The following PFDN1 variants were observed in gnomAD, a reference collection of about 807,000 sequenced individuals.
The protein encoded by PFDN1 is prefoldin subunit 1, also known as prefoldin 1.
In PFDN1, 6 loss-of-function variants were observed where a neutral mutation model predicts 17.3. The ratio of observed to expected loss-of-function variants is 0.35; its 90% CI spans 0.19 to 0.69. The LOEUF is 0.69. PFDN1 is among the 30% of genes least tolerant of loss of function. PFDN1 has a pLI of 0.65. For missense variants in PFDN1, 113 were observed against 146.2 expected, an observed-to-expected ratio of 0.77 and a Z score of 1.17; for synonymous variants, 58 against 50.1, an observed-to-expected ratio of 1.16 and a Z score of -0.67.
At chr5:140,271,190 C>T (rs949097370) in intron 3 of PFDN1, among the ~76,000 whole-genome samples, 1 of 152,194 alleles carries the variant, frequency 6.6e-6, no homozygotes, top group African/African-American at 2.4e-5. Context: ...TCTGCAGCTA[C>T]ATTAAGCCCT....
chr5:140,302,919 C>T (rs915941931), intron 1 of PFDN1, 122 bp downstream of exon 1: 7 of 800,322 alleles, frequency 8.7e-6, no homozygotes, highest in African/African-American at 3.4e-5. Context: ...TCTGGGAAAC[C>T]ATTCCCTAGT....
intron 3 of PFDN1, among the ~76,000 whole-genome samples, chr5:140,280,110 T>C (rs1054999607): frequency 6.6e-6 from 1 of 151,872 alleles, no homozygotes; most frequent in Non-Finnish European, 1.5e-5. Flanking sequence ...GTATTAACAA[T>C]TTAATATATA....
intron 1 of PFDN1, among the ~76,000 whole-genome samples, chr5:140,302,661 A>G (rs1238868892): frequency 1.3e-5 from 2 of 152,230 alleles, no homozygotes; most frequent in Non-Finnish European, 2.9e-5. Context: ...AATGAGGCAG[A>G]ATTACGGATG....
intron 3 of PFDN1, among the ~76,000 whole-genome samples, chr5:140,271,438 C>G (rs1423561023): frequency 6.6e-6 from 1 of 152,280 alleles, no homozygotes; most frequent in East Asian, 1.9e-4. Context: ...CAAGTCAAAA[C>G]AACGTAGGAA....
chr5:140,255,542 G>A (rs1055086244), intron 3 of PFDN1, among the ~76,000 whole-genome samples: 1 of 152,148 alleles, frequency 6.6e-6, no homozygotes, highest in African/African-American at 2.4e-5. Flanking sequence ...AGAAGGCTAA[G>A]GCAGGAGGAT....
intron 3 of PFDN1, among the ~76,000 whole-genome samples, chr5:140,270,127 G>C (rs564015925): frequency 6.6e-6 from 1 of 152,206 alleles, no homozygotes; most frequent in Non-Finnish European, 1.5e-5. Flanking sequence ...ACTGATCAGA[G>C]TAAGAATCTA....
intron 3 of PFDN1, among the ~76,000 whole-genome samples, chr5:140,277,049 G>A (rs928487371): frequency 4.0e-5 from 6 of 151,538 alleles, no homozygotes; most frequent in South Asian, 2.1e-4. Flanking sequence ...TTGAAACCCC[G>A]TCTCTACTAA....
chr5:140,268,974 T>C (rs1765169271), intron 3 of PFDN1, among the ~76,000 whole-genome samples: 1 of 152,226 alleles, frequency 6.6e-6, no homozygotes, highest in South Asian at 2.1e-4. Flanking sequence ...ACAACTAGCT[T>C]CATTTTAGCT....
chr5:140,247,155 T>A (rs1764842397), intron 3 of PFDN1, among the ~76,000 whole-genome samples: 1 of 152,182 alleles, frequency 6.6e-6, no homozygotes, highest in African/African-American at 2.4e-5. Context: ...TTTTATTTAT[T>A]TTTGAGACAA....
At chr5:140,265,914 C>G (rs1049480330) in intron 3 of PFDN1, 1 of 152,266 alleles carries the variant, frequency 6.6e-6, no homozygotes, top group Admixed American at 6.5e-5. Context: ...GCCTCACTTC[C>G]CACTCACTCA....
At chr5:140,287,095 C>A (rs1765507704) in intron 2 of PFDN1, among the ~76,000 whole-genome samples, 1 of 152,192 alleles carries the variant, frequency 6.6e-6, no homozygotes, top group South Asian at 2.1e-4. Flanking sequence ...ATAATCCAAT[C>A]AACCTTGGAT....
intron 3 of PFDN1, among the ~76,000 whole-genome samples, chr5:140,251,731 C>T (rs1276707337): frequency 1.3e-5 from 2 of 152,160 alleles, no homozygotes; most frequent in African/African-American, 4.8e-5. Flanking sequence ...TCCTGTGGGG[C>T]TCAGCATGGC....
chr5:140,258,175 A>G (rs1269889815), intron 3 of PFDN1, among the ~76,000 whole-genome samples: 1 of 152,210 alleles, frequency 6.6e-6, no homozygotes, highest in Non-Finnish European at 1.5e-5. Context: ...GGTTTTAAGC[A>G]GGAGAGCAAA....
At chr5:140,279,195 C>T (rs184267335) in intron 3 of PFDN1, among the ~76,000 whole-genome samples, 3 of 151,992 alleles carry the variant, frequency 2.0e-5, no homozygotes, top group East Asian at 1.9e-4. Flanking sequence ...ATACAGAAAC[C>T]GTAGAGGTGA....
At chr5:140,275,686 G>A (rs373578454) in intron 3 of PFDN1, among the ~76,000 whole-genome samples, 1 of 152,210 alleles carries the variant, frequency 6.6e-6, no homozygotes, top group East Asian at 1.9e-4. Flanking sequence ...AACAAAGCTG[G>A]GTAAAAGGGA....
intron 3 of PFDN1, among the ~76,000 whole-genome samples, chr5:140,279,995 C>CAAAAAAAAAAAAA (rs772575762): frequency 3.8e-4 from 12 of 31,246 alleles, no homozygotes; most frequent in Non-Finnish European, 4.8e-4. Context: ...AACTCCGTCT[C>CAAAAAAAAAAAAA]AAAAAAAAAA....
At chr5:140,280,051 G>GA (rs1009096074) in intron 3 of PFDN1, among the ~76,000 whole-genome samples, 5 of 93,726 alleles carry the variant, frequency 5.3e-5, no homozygotes, top group African/African-American at 1.4e-4. Context: ...GAAAGAAAAA[G>GA]AAAAAATCAT....
At chr5:140,273,306 C>A (rs896337461) in intron 3 of PFDN1, among the ~76,000 whole-genome samples, 4 of 151,782 alleles carry the variant, frequency 2.6e-5, no homozygotes, top group African/African-American at 9.7e-5. Context: ...ACAGTAGAGT[C>A]CACCTGACAT....
intron 3 of PFDN1, among the ~76,000 whole-genome samples, chr5:140,272,822 G>A (rs986787483): frequency 4.6e-5 from 7 of 152,108 alleles, no homozygotes; most frequent in Admixed American, 3.9e-4. Flanking sequence ...GATAACTGAC[G>A]TGTTTGCTTT....
Sources: allele counts gnomAD v4.1 joint callset (sites outside exome capture counted in the v4.1 genomes callset), GRCh38; gene constraint gnomAD v4.1.1; transcripts MANE v1.5; gene names NCBI Gene and HGNC (gene_info 2026-07-23, HGNC 2026-07-21).